The following NXN variants were observed in gnomAD, a reference collection of about 807,000 sequenced individuals.
NXN encodes the protein nucleoredoxin.
In NXN, 16 loss-of-function variants were observed where a neutral mutation model predicts 48.6. The observed-to-expected ratio is 0.33, with a 90% CI of 0.22 to 0.50. NXN has a LOEUF of 0.50. Ranked by LOEUF, NXN falls within the 20% of genes least tolerant of loss-of-function variation. The probability of loss-of-function intolerance (pLI) is 0.98; values close to 1 mark genes in which losing one functional copy is unlikely to be tolerated. For missense variants in NXN, 492 were observed against 605.5 expected (o/e 0.81, Z 1.97); for synonymous variants, 281 against 269.6 (o/e 1.04, Z -0.41).
chr17:897,038 C>T, intron 1 of NXN: 1 of 1,086,986 alleles, frequency 9.2e-7, no homozygotes, highest in South Asian at 2.1e-5. Flanking sequence ...TGCCTAACAA[C>T]AGCGTCACTG....
rs571990869 is a variant in NXN, at chr17:900,082, A to C, written c.361-74004T>G. ...GGAGTTTGAGACCAACCTGACCAAC[A>C]TGGAGAAACCCTGTCTCTACTAAAA... On this transcript the variant is annotated intron_variant, in intron 1 of 7. Coordinates refer to ENST00000336868, the MANE Select transcript of NXN (RefSeq NM_022463.5). 2.6e-5 allele frequency among the ~76,000 whole-genome samples: 4 copies of C among 152,254 alleles called. No individual in the cohort carries two copies. In the South Asian group the frequency reaches 8.3e-4, roughly 32 times the overall value.
chr17:880,980 C>G (rs1249649326), intron 1 of NXN, among the ~76,000 whole-genome samples: 1 of 152,192 alleles, frequency 6.6e-6, no homozygotes, highest in Non-Finnish European at 1.5e-5. Flanking sequence ...CTCCTTCCCT[C>G]CTGCCCCATC....
intron 5 of NXN, among the ~76,000 whole-genome samples, chr17:812,144 G>A (rs944163243): frequency 1.3e-5 from 2 of 150,736 alleles, no homozygotes; most frequent in African/African-American, 2.4e-5. Context: ...AGCCAGGACG[G>A]TCTCGATCTC....
intron 1 of NXN, among the ~76,000 whole-genome samples, chr17:954,581 T>C (rs1324109000): frequency 6.6e-6 from 1 of 152,218 alleles, no homozygotes; most frequent in Non-Finnish European, 1.5e-5. Context: ...TTCCAGTGAC[T>C]TCCTCAGAGC....
intron 5 of NXN, 101 bp downstream of exon 5, chr17:819,338 A>G (rs764790889): frequency 2.5e-6 from 2 of 807,848 alleles, no homozygotes; most frequent in South Asian, 2.8e-5. Flanking sequence ...ATATTCATGG[A>G]AATAATGATG....
At chr17:879,156 A>T (rs929869571) in intron 1 of NXN, among the ~76,000 whole-genome samples, 1 of 151,950 alleles carries the variant, frequency 6.6e-6, no homozygotes, top group Non-Finnish European at 1.5e-5. Context: ...CAAGAGAGAA[A>T]CTCTGTCTCA....
intron 1 of NXN, among the ~76,000 whole-genome samples, chr17:931,097 C>T (rs1044730752): frequency 7.9e-5 from 12 of 152,006 alleles, no homozygotes; most frequent in South Asian, 2.1e-4. Context: ...GGAGCTAAAT[C>T]GATCTCTAGC....
chr17:814,582 T>C (rs1174767107), intron 5 of NXN, among the ~76,000 whole-genome samples: 1 of 152,186 alleles, frequency 6.6e-6, no homozygotes, highest in African/African-American at 2.4e-5. Context: ...AACACTGTCG[T>C]GTTCGTGAAG....
chr17:900,175 G>C (rs1457324865), intron 1 of NXN, among the ~76,000 whole-genome samples: 11 of 151,754 alleles, frequency 7.2e-5, no homozygotes, highest in Non-Finnish European at 4.4e-5. Flanking sequence ...TGAGGCAGGA[G>C]AATCGCTTGA....
chr17:826,352 G>A (rs1242452720), intron 1 of NXN, among the ~76,000 whole-genome samples: 1 of 152,142 alleles, frequency 6.6e-6, no homozygotes, highest in Non-Finnish European at 1.5e-5. Flanking sequence ...GGACTTGGAG[G>A]TGGAGGCTGA....
chr17:886,373 G>C (rs1181606817), intron 1 of NXN, among the ~76,000 whole-genome samples: 3 of 152,170 alleles, frequency 2.0e-5, no homozygotes, highest in African/African-American at 4.8e-5. Context: ...CCGAGCCAGA[G>C]GGAATATTTA....
At position 955,723 on chromosome 17, in the gene NXN, T is replaced by C. The variant is rs553094097; in HGVS notation, c.360+23596A>G. Among the ~76,000 whole-genome samples the C allele has an allele frequency of 5.0e-3, 756 of 150,998 alleles. 6 individuals carry two copies. In the South Asian group the frequency reaches 0.055, roughly 11 times the overall value. ...CATCCTGGCTAACACGGTGAAACCC[T>C]GTCTCTACTAAAAAAAAATACAAAA... On this transcript the variant is annotated intron_variant, in intron 1 of 7. Transcript: ENST00000336868.
chr17:850,585 CA>C (rs2067913018), intron 1 of NXN, among the ~76,000 whole-genome samples: 1 of 152,112 alleles, frequency 6.6e-6, no homozygotes, highest in Admixed American at 6.5e-5. Flanking sequence ...TCACTGTCTC[CA>C]GTGGGGCTGG....
rs533057286 is a variant in NXN at position 979,755 on chromosome 17, G to C, written c.-77C>G. 8.4e-4 allele frequency: 999 copies of C among 1,192,646 alleles called. 6 individuals carry two copies. In the African/African-American group the frequency reaches 0.012, roughly 14 times the overall value. 73.9% of individuals were successfully genotyped at this position (1,192,646 alleles called of 1,614,324 possible). On this transcript the variant is annotated 5_prime_UTR_variant, in exon 1 of 8. Transcript: ENST00000336868. ...CGCGGCGGGAGGAGGCGGCGGCGTCGGCGGCAGGCGCTGGGGAGAGCAGAG... is the reference window on the plus strand; with the variant it reads ...CGCGGCGGGAGGAGGCGGCGGCGTCCGCGGCAGGCGCTGGGGAGAGCAGAG...
intron 1 of NXN, among the ~76,000 whole-genome samples, chr17:888,898 T>C (rs2068377743): frequency 6.8e-6 from 1 of 146,186 alleles, no homozygotes; most frequent in Non-Finnish European, 1.5e-5. Flanking sequence ...GAGGTTGCTG[T>C]GAGCTGAGAT....
At chr17:929,456 C>T (rs1476853277) in intron 1 of NXN, among the ~76,000 whole-genome samples, 3 of 152,244 alleles carry the variant, frequency 2.0e-5, no homozygotes, top group Non-Finnish European at 2.9e-5. Flanking sequence ...CTCACAGCTT[C>T]ACAATGACAA....
chr17:953,781 T>A (rs1367695667), intron 1 of NXN, among the ~76,000 whole-genome samples: 1 of 150,320 alleles, frequency 6.7e-6, no homozygotes, highest in African/African-American at 2.4e-5. Context: ...TAACAAAAAT[T>A]TAAAAATTAT....
intron 1 of NXN, among the ~76,000 whole-genome samples, chr17:971,267 G>A (rs1465176598): frequency 6.6e-6 from 1 of 152,066 alleles, no homozygotes; most frequent in Admixed American, 6.5e-5. Flanking sequence ...AATAGACTCA[G>A]ATATTTGACA....
rs56917679 is a variant in NXN at position 940,237 on chromosome 17, ATT to A, written c.360+39080_360+39081del. Among the ~76,000 whole-genome samples the A allele has an allele frequency of 3.5e-3, 499 of 141,188 alleles. 2 individuals are homozygous for A. Among genetic ancestry groups the A allele is most frequent in the African/African-American group, 9.7e-3 (379 of 38,940 alleles). The allele number at this position is 141,188 out of a possible 152,430, so 92.6% of individuals were successfully genotyped here. A position where few individuals can be genotyped will look rare whatever the true frequency, so the allele number is the denominator to read the frequency against. On this transcript the variant is annotated intron_variant, in intron 1 of 7. Transcript: ENST00000336868. ...GCATGAGCCACTGTGCCTGGCCTCAATTTTTTTTTTTTTTTGGTCTCTTTCTC... is the reference window on the plus strand; with the variant it reads ...GCATGAGCCACTGTGCCTGGCCTCAATTTTTTTTTTTTTGGTCTCTTTCTC...
Sources: gnomAD v4.1 joint callset for allele counts (sites outside exome capture counted in the v4.1 genomes callset) on GRCh38, gnomAD v4.1.1 for gene constraint, MANE v1.5 for transcripts, NCBI Gene and HGNC (gene_info 2026-07-23, HGNC 2026-07-21) for gene names.